Variants in PLCG2 observed in about 807,000 individuals in gnomAD.
The protein encoded by PLCG2 is phospholipase C gamma 2.
In PLCG2, 69 loss-of-function variants were observed where a neutral mutation model predicts 175.6. That is an observed-to-expected ratio of 0.39 (90% CI 0.32 to 0.48). The LOEUF is 0.48. Among genes scored for constraint, PLCG2 ranks in the 20% least tolerant of loss-of-function variants. The probability of loss-of-function intolerance (pLI) is 0.91; values close to 1 mark genes in which losing one functional copy is unlikely to be tolerated. For synonymous variants in PLCG2, 827 were observed against 624.0 expected (o/e 1.33, Z -4.85); for missense variants, 1,798 against 1,650.9 (o/e 1.09, Z -1.54).
chr16:81,929,668 T>A (rs1373016710), intron 24 of PLCG2, among the ~76,000 whole-genome samples: 5 of 152,228 alleles, frequency 3.3e-5, no homozygotes, highest in Admixed American at 2.6e-4. Flanking sequence ...AGTGCTGGGA[T>A]TACAGGCATG....
Position 81,825,390 on chromosome 16 carries a change from G to T in PLCG2, c.194-29054G>T, listed in dbSNP as rs564410876. On this transcript the variant is annotated intron_variant, in intron 2 of 32. Coordinates refer to ENST00000564138, the MANE Select transcript of PLCG2 (RefSeq NM_002661.5). ...TGCAACCTCTGTCTCCTGGATTCAA[G>T]CCATTCTCTTGCTTCAGCTTCCCAA... Among the ~76,000 whole-genome samples the T allele has an allele frequency of 2.6e-4, 39 of 147,712 alleles. No homozygotes were observed. In the South Asian group the frequency reaches 6.4e-3, roughly 24 times the overall value.
chr16:81,892,152 C>T (rs1365234622), intron 11 of PLCG2, among the ~76,000 whole-genome samples: 1 of 152,196 alleles, frequency 6.6e-6, no homozygotes, highest in African/African-American at 2.4e-5. Context: ...GGGGCAGGAA[C>T]AACTGAGAGG....
chr16:81,844,761 A>G (rs188805669), intron 2 of PLCG2, among the ~76,000 whole-genome samples: 13 of 152,368 alleles, frequency 8.5e-5, no homozygotes, highest in African/African-American at 3.1e-4. Context: ...TTGCATAGTG[A>G]TGGACACTTG....
At position 81,770,261 on chromosome 16, in the gene PLCG2, C is replaced by A. The variant is rs115241505; in HGVS notation, c.-48+14295C>A. 8.0e-3 allele frequency among the ~76,000 whole-genome samples: 1,225 copies of A among 152,186 alleles called. 18 individuals carry two copies. Among genetic ancestry groups the A allele is most frequent in the African/African-American group, 0.027 (1,141 of 41,510 alleles). On this transcript the variant is annotated intron_variant, in intron 2 of 5. Transcript: ENST00000565054. Reference sequence around the variant, plus strand: ...CTCGCCTGGGTGCTGCTCATCACCACCTTCCCAAGGGCAACCGTTCTGACT... The same window carrying A: ...CTCGCCTGGGTGCTGCTCATCACCAACTTCCCAAGGGCAACCGTTCTGACT...
chr16:81,867,517 G>A (rs1454665593), intron 5 of PLCG2, among the ~76,000 whole-genome samples: 1 of 152,204 alleles, frequency 6.6e-6, no homozygotes, highest in Non-Finnish European at 1.5e-5. Flanking sequence ...AGATGGAGAT[G>A]ATCATGGTAC....
chr16:81,891,478 A>T lies in PLCG2; in HGVS notation c.874A>T (p.Thr292Ser). ...EPFLFVDEFL[T>S]YLFSRENSIW... is the part of the protein sequence containing the mutation. ...TCGTGTTTGACTCTTTTAGTTCCTC[A>T]CGTACCTGTTTTCACGAGAAAACAG... Residue 292 changes from threonine (T) to serine (S), a missense_variant, in exon 11 of 33, where the codon ACG becomes TCG. Thr to Ser is a moderately conservative substitution (Grantham distance 58, BLOSUM62 1). Coordinates refer to ENST00000564138, the MANE Select transcript of PLCG2 (RefSeq NM_002661.5). 1 of 1,569,314 alleles carries T rather than the reference A, an allele frequency of 6.4e-7. No individual in the cohort carries two copies.
At chr16:81,899,637 T>C (rs969565428) in intron 13 of PLCG2, among the ~76,000 whole-genome samples, 4 of 152,176 alleles carry the variant, frequency 2.6e-5, no homozygotes, top group African/African-American at 9.7e-5. Flanking sequence ...TTCCTGTTTT[T>C]GAGCTTTTTC....
intron 1 of PLCG2, among the ~76,000 whole-genome samples, chr16:81,751,547 A>G (rs1909812896): frequency 6.6e-6 from 1 of 152,118 alleles, no homozygotes; most frequent in Non-Finnish European, 1.5e-5. Context: ...TTTGAGACCT[A>G]TTGTATGGCG....
chr16:81,890,559 C>T (rs567068695), intron 10 of PLCG2, among the ~76,000 whole-genome samples: 2 of 152,140 alleles, frequency 1.3e-5, no homozygotes, highest in African/African-American at 4.8e-5. Flanking sequence ...GCATCTGCCA[C>T]CAGGGAGAGT....
intron 2 of PLCG2, among the ~76,000 whole-genome samples, chr16:81,839,965 G>C (rs940310621): frequency 6.6e-6 from 1 of 152,222 alleles, no homozygotes; most frequent in Non-Finnish European, 1.5e-5. Flanking sequence ...GCTGAGGCAG[G>C]AGGGTCCCTT....
intron 2 of PLCG2, among the ~76,000 whole-genome samples, chr16:81,819,623 C>T (rs554430239): frequency 1.1e-4 from 16 of 152,322 alleles, no homozygotes; most frequent in South Asian, 4.1e-4. Flanking sequence ...TTCGCTCTTT[C>T]GCCCAGGCTG....
At chr16:81,740,910 C>G (rs1909579675) in intron 1 of PLCG2, among the ~76,000 whole-genome samples, 1 of 152,144 alleles carries the variant, frequency 6.6e-6, no homozygotes, top group Admixed American at 6.5e-5. Flanking sequence ...ATTCACCTTG[C>G]CTGCCAGGCA....
At chr16:81,787,116 C>T (rs979515092) in intron 2 of PLCG2, among the ~76,000 whole-genome samples, 3 of 152,324 alleles carry the variant, frequency 2.0e-5, no homozygotes, top group East Asian at 3.9e-4. Flanking sequence ...CATGTAATGG[C>T]ACAGGCCTCA....
At chr16:81,899,992 A>G (rs888113030) in intron 13 of PLCG2, among the ~76,000 whole-genome samples, 1 of 152,242 alleles carries the variant, frequency 6.6e-6, no homozygotes, top group Non-Finnish European at 1.5e-5. Flanking sequence ...TTTATGAACC[A>G]TAACCCCAAT....
intron 2 of PLCG2, among the ~76,000 whole-genome samples, chr16:81,853,897 A>G (rs768085835): frequency 2.6e-5 from 4 of 152,142 alleles, no homozygotes; most frequent in East Asian, 3.9e-4. Context: ...ACCATCCCCA[A>G]CGCTGGGGTT....
chr16:81,781,870 C>CTA (rs1910748516), intron 1 of PLCG2, among the ~76,000 whole-genome samples: 6 of 88,920 alleles, frequency 6.7e-5, no homozygotes, highest in Non-Finnish European at 1.2e-4. Context: ...TCCTTTCCCC[C>CTA]CCCCCCCCCG....
intron 2 of PLCG2, among the ~76,000 whole-genome samples, chr16:81,820,496 G>A (rs1039555233): frequency 6.6e-6 from 1 of 152,222 alleles, no homozygotes. Flanking sequence ...AGTGTCAGTA[G>A]TTTTTCCTTT....
At chr16:81,931,365 C>G in intron 24 of PLCG2, 132 bp from the exon 25 acceptor site, 1 of 740,046 alleles carries the variant, frequency 1.4e-6, no homozygotes, top group Non-Finnish European at 2.2e-6. Flanking sequence ...AAGTAGACGT[C>G]CCCATCAGTG....
chr16:81,840,302 C>G (rs575801258), intron 2 of PLCG2, among the ~76,000 whole-genome samples: 5 of 152,158 alleles, frequency 3.3e-5, no homozygotes, highest in Admixed American at 1.3e-4. Context: ...CTCAGAGCAG[C>G]AGTCCCAGAC....
Sources: gnomAD v4.1 joint callset for allele counts (sites outside exome capture counted in the v4.1 genomes callset) on GRCh38, gnomAD v4.1.1 for gene constraint, MANE v1.5 for transcripts, NCBI Gene and HGNC (gene_info 2026-07-23, HGNC 2026-07-21) for gene names.